The following CTNNBL1 variants were observed in gnomAD, a reference collection of about 807,000 sequenced individuals.
CTNNBL1 encodes the protein catenin beta like 1.
A neutral mutation model predicts 72.7 loss-of-function variants in CTNNBL1; 31 were observed. The ratio of observed to expected loss-of-function variants is 0.43; its 90% confidence interval spans 0.32 to 0.58. The LOEUF (loss-of-function observed/expected upper bound fraction) is 0.58. Among genes scored for constraint, CTNNBL1 ranks in the 20% least tolerant of loss-of-function variants. The pLI is 0.08. For synonymous variants in CTNNBL1, 240 were observed against 267.3 expected (o/e 0.90, Z 1.00); for missense variants, 534 against 725.1 (o/e 0.74, Z 3.03).
chr20:37,781,314 T>A (rs2073623697), intron 10 of CTNNBL1, among the ~76,000 whole-genome samples: 1 of 152,206 alleles, frequency 6.6e-6, no homozygotes, highest in Non-Finnish European at 1.5e-5. Context: ...AAGGTCTGAA[T>A]TGCCAGTGTC....
At chr20:37,739,321 G>T (rs549458864) in intron 3 of CTNNBL1, among the ~76,000 whole-genome samples, 1 of 151,774 alleles carries the variant, frequency 6.6e-6, no homozygotes, top group Non-Finnish European at 1.5e-5. Context: ...GATTTTTTGG[G>T]TCATCTAACA....
intron 15 of CTNNBL1, among the ~76,000 whole-genome samples, chr20:37,864,620 C>T (rs529712600): frequency 6.6e-6 from 1 of 152,346 alleles, no homozygotes; most frequent in Admixed American, 6.5e-5. Flanking sequence ...CCAGCAGCAG[C>T]TCTGGCCTGA....
chr20:37,694,806 T>C (rs1421536509), intron 1 of CTNNBL1: 1 of 152,208 alleles, frequency 6.6e-6, no homozygotes, highest in Non-Finnish European at 1.5e-5. Context: ...GTGGGGAAAC[T>C]GTATGGGACC....
chr20:37,832,798 T>C (rs928893459), intron 11 of CTNNBL1, among the ~76,000 whole-genome samples: 2 of 152,104 alleles, frequency 1.3e-5, no homozygotes, highest in Admixed American at 6.5e-5. Context: ...TACTTTTTTT[T>C]TTTTTTTGAG....
At chr20:37,799,826 A>G (rs775257396) in intron 10 of CTNNBL1, among the ~76,000 whole-genome samples, 15 of 152,218 alleles carry the variant, frequency 9.9e-5, no homozygotes, top group Non-Finnish European at 1.8e-4. Context: ...GGAAATAAAG[A>G]TAGGAATAGG....
intron 11 of CTNNBL1, among the ~76,000 whole-genome samples, chr20:37,835,602 T>C (rs1238970541): frequency 6.6e-6 from 1 of 152,216 alleles, no homozygotes; most frequent in African/African-American, 2.4e-5. Flanking sequence ...CAACATTTCA[T>C]GTGTAAATTT....
chr20:37,806,171 C>T (rs1188971387), intron 11 of CTNNBL1, among the ~76,000 whole-genome samples: 1 of 152,164 alleles, frequency 6.6e-6, no homozygotes, highest in Admixed American at 6.5e-5. Context: ...GAGCCACACC[C>T]TTAAGAGCTT....
chr20:37,840,067 T>G (rs767139976), intron 11 of CTNNBL1, 35 bp from the exon 12 acceptor site: 1 of 1,500,232 alleles, frequency 6.7e-7, no homozygotes, highest in South Asian at 1.1e-5. Flanking sequence ...ACTGCTCTGA[T>G]CTCAGCATGT....
At chr20:37,858,413 C>G (rs558644889) in intron 13 of CTNNBL1, among the ~76,000 whole-genome samples, 9 of 152,266 alleles carry the variant, frequency 5.9e-5, no homozygotes, top group Admixed American at 5.2e-4. Flanking sequence ...TCAAGGTGCT[C>G]TCAGCAATTT....
At chr20:37,753,857 A>T (rs1016263536) in intron 4 of CTNNBL1, among the ~76,000 whole-genome samples, 3 of 152,198 alleles carry the variant, frequency 2.0e-5, no homozygotes, top group African/African-American at 4.8e-5. Flanking sequence ...CTTGCACAAG[A>T]TTACATGGCT....
chr20:37,726,306 G>A (rs748296845), intron 1 of CTNNBL1, among the ~76,000 whole-genome samples: 7 of 152,180 alleles, frequency 4.6e-5, no homozygotes, highest in Non-Finnish European at 5.9e-5. Flanking sequence ...CCACTAGTCT[G>A]TGTTCTTATA....
rs114630470 is a variant in CTNNBL1 at position 37,744,105 on chromosome 20, A to G, written c.327-2363A>G. On this transcript the variant is annotated intron_variant, in intron 3 of 15. Coordinates refer to ENST00000361383, the MANE Select transcript of CTNNBL1 (RefSeq NM_030877.5). Reference sequence around the variant, plus strand: ...CTTAATATACGGTGTTTATAAATCTATAAACAAAGTGAGCATCCTAATAAG... The same window carrying G: ...CTTAATATACGGTGTTTATAAATCTGTAAACAAAGTGAGCATCCTAATAAG... Among the ~76,000 whole-genome samples, 1,171 of 152,346 alleles carry G rather than the reference A, an allele frequency of 7.7e-3. 16 individuals are homozygous for G. The highest frequency in any genetic ancestry group is 0.027 in the African/African-American group (1,104 of 41,592).
chr20:37,741,646 A>T (rs1218106937), intron 3 of CTNNBL1, among the ~76,000 whole-genome samples: 1 of 152,232 alleles, frequency 6.6e-6, no homozygotes, highest in Non-Finnish European at 1.5e-5. Flanking sequence ...AGTGCCTAAC[A>T]CAGTGACTGG....
chr20:37,770,089 C>T (rs2073508803), intron 7 of CTNNBL1, among the ~76,000 whole-genome samples: 1 of 152,206 alleles, frequency 6.6e-6, no homozygotes, highest in African/African-American at 2.4e-5. Context: ...AACTCTAACT[C>T]CCTCCAAACC....
chr20:37,729,572 A>T (rs977519811), intron 1 of CTNNBL1, among the ~76,000 whole-genome samples: 1 of 151,992 alleles, frequency 6.6e-6, no homozygotes, highest in African/African-American at 2.4e-5. Context: ...CCCCTCGGAG[A>T]TAAACAATCT....
intron 1 of CTNNBL1, among the ~76,000 whole-genome samples, chr20:37,728,049 A>G (rs73290839): frequency 0.05 from 7,681 of 152,260 alleles, 222 homozygotes; most frequent in South Asian, 0.079. Context: ...ATTTCACTCA[A>G]TGTTGCTGGA....
At chr20:37,871,347 G>A (rs1437990583) in intron 15 of CTNNBL1, among the ~76,000 whole-genome samples, 2 of 152,140 alleles carry the variant, frequency 1.3e-5, no homozygotes, top group East Asian at 3.9e-4. Flanking sequence ...AATTTATGAA[G>A]AACAGAAATG....
chr20:37,777,141 G>T (rs113961041), intron 7 of CTNNBL1: 1 of 523,540 alleles, frequency 1.9e-6, no homozygotes, highest in Non-Finnish European at 3.5e-6. Context: ...GGCATTAAGA[G>T]TGTGAGAGCC....
rs773229248 is a variant in CTNNBL1 at position 37,779,355 on chromosome 20, G to A, written c.1031+20G>A. 1 of 1,608,680 alleles carries A rather than the reference G, an allele frequency of 6.2e-7. No individual in the cohort carries two copies. Among genetic ancestry groups the A allele is most frequent in the Non-Finnish European group, 8.5e-7 (1 of 1,175,818 alleles). On this transcript the variant is annotated intron_variant, in intron 10 of 15. Transcript: ENST00000361383. Reference sequence around the variant, plus strand: ...GCTCAGGTATGTTTCGAATGCCCTAGTTCTCCCACCTTTTTTGCCTGACTT... The same window carrying A: ...GCTCAGGTATGTTTCGAATGCCCTAATTCTCCCACCTTTTTTGCCTGACTT...
Sources: gnomAD v4.1 joint callset for allele counts (sites outside exome capture counted in the v4.1 genomes callset) on GRCh38, gnomAD v4.1.1 for gene constraint, MANE v1.5 for transcripts, NCBI Gene and HGNC (gene_info 2026-07-23, HGNC 2026-07-21) for gene names.